The following ERICH1 variants were observed in gnomAD, a reference collection of about 807,000 sequenced individuals.
ERICH1 encodes glutamate-rich protein 1.
A neutral mutation model predicts 39.6 loss-of-function variants in ERICH1; 56 were observed. The ratio of observed to expected loss-of-function variants is 1.41; its 90% CI spans 1.14 to 1.77. The LOEUF is 1.77. Among genes scored for constraint, ERICH1 ranks in the 40% most tolerant of loss-of-function variants. ERICH1 has a pLI of 0.00. For synonymous variants in ERICH1, 313 were observed against 223.6 expected (o/e 1.40, Z -3.57); for missense variants, 826 against 575.4 (o/e 1.44, Z -4.45).
At chr8:626,078 C>T (rs76620930) in intron 3 of ERICH1, 4 of 152,178 alleles carry the variant, frequency 2.6e-5, no homozygotes, top group Middle Eastern at 3.2e-3. Context: ...ACATGTGAAT[C>T]GTTTCCACAC....
At chr8:651,586 C>T (rs1472016984) in intron 3 of ERICH1, among the ~76,000 whole-genome samples, 1 of 151,734 alleles carries the variant, frequency 6.6e-6, no homozygotes, top group Non-Finnish European at 1.5e-5. Flanking sequence ...GGGAGAGAGA[C>T]GGAGAGCTGG....
At position 668,792 on chromosome 8, in the gene ERICH1, C is replaced by G; in HGVS notation, c.1064G>C (p.Gly355Ala). The G allele has an allele frequency of 6.3e-7, 1 of 1,588,898 alleles. No individual in the cohort carries two copies. Among genetic ancestry groups the G allele is most frequent in the South Asian group, 1.1e-5 (1 of 87,490 alleles). ...AGCTGAAGCTGCATCTCTGGAGACA[C>G]CTACATAAAGTCAGTTTTGCTTGGA... ...KSTQEMYFYDGVSRDAASAAL... is the reference protein window; with the variant it reads ...KSTQEMYFYDAVSRDAASAAL... The change falls in exon 5 of 6, where the codon GGT becomes GCT. Residue 355 changes from glycine to alanine, a missense_variant and splice_region_variant. Gly to Ala is a moderately conservative substitution (Grantham distance 60). Transcript: ENST00000262109.
intron 3 of ERICH1, among the ~76,000 whole-genome samples, chr8:650,199 G>C (rs1799771462): frequency 6.6e-6 from 1 of 152,212 alleles, no homozygotes; most frequent in Non-Finnish European, 1.5e-5. Flanking sequence ...GCACTCAGGA[G>C]CTGCGTCCCG....
intron 3 of ERICH1, among the ~76,000 whole-genome samples, chr8:677,595 T>C (rs1018329388): frequency 6.6e-6 from 1 of 152,172 alleles, no homozygotes; most frequent in Non-Finnish European, 1.5e-5. Context: ...CCAGACGTCT[T>C]TGAACAGCAG....
chr8:651,678 GGGGGAGAAGACTGA>G (rs1166441252), intron 3 of ERICH1, among the ~76,000 whole-genome samples: 1 of 141,940 alleles, frequency 7.0e-6, no homozygotes, highest in Non-Finnish European at 1.6e-5. Flanking sequence ...CGGGCAGGGT[GGGGGAGAAGACTGA>G]GGGGAGAGAG....
At chr8:623,382 A>C (rs1007388450) in intron 3 of ERICH1, among the ~76,000 whole-genome samples, 7 of 152,234 alleles carry the variant, frequency 4.6e-5, no homozygotes, top group African/African-American at 1.4e-4. Context: ...AAATCGAAGG[A>C]AACCTCCTCA....
At chr8:685,270 A>T (rs1192206542) in intron 3 of ERICH1, among the ~76,000 whole-genome samples, 1 of 152,212 alleles carries the variant, frequency 6.6e-6, no homozygotes, top group Non-Finnish European at 1.5e-5. Context: ...GCAATAAGAG[A>T]AATACGGCTG....
rs1422586796 is a variant in ERICH1 at position 699,946 on chromosome 8, C to G, written c.170-7334G>C. Among the ~76,000 whole-genome samples, 127 of 121,564 alleles carry G rather than the reference C, an allele frequency of 1.0e-3. 1 individual carries two copies. The highest frequency in any genetic ancestry group is 2.3e-3 in the African/African-American group (70 of 30,276). The allele number at this position is 121,564 out of a possible 152,430, so 79.8% of individuals were successfully genotyped here. ...CCGCACAGGCGCACAGACCCGCACA[C>G]GCGCACAGGCCCGCACACGCGCACA... On this transcript the variant is annotated intron_variant, in intron 2 of 5. Coordinates refer to ENST00000262109, the MANE Select transcript of ERICH1 (RefSeq NM_207332.3).
At position 664,656 on chromosome 8, in the gene ERICH1, C is replaced by T; in HGVS notation, c.1279G>A (p.Ala427Thr). 4 of 1,612,356 alleles carry T rather than the reference C, an allele frequency of 2.5e-6. No individual in the cohort carries two copies. Among genetic ancestry groups the T allele is most frequent in the African/African-American group, 1.3e-5 (1 of 74,974 alleles). ...TGTGTGATCCAGTAACTAAAGAAAGCTGAGATTACTCTGGCATGGTCTAGA... is the reference window on the plus strand; with the variant it reads ...TGTGTGATCCAGTAACTAAAGAAAGTTGAGATTACTCTGGCATGGTCTAGA... ...MPPDHARVIS[A>T]FFSYWITHIL... The change falls in exon 6 of 6, where the codon GCT becomes ACT. Residue 427 changes from alanine to threonine, a missense_variant. Coordinates refer to ENST00000262109, the MANE Select transcript of ERICH1 (RefSeq NM_207332.3).
At chr8:690,090 C>A (rs751624774) in intron 3 of ERICH1, among the ~76,000 whole-genome samples, 2 of 152,204 alleles carry the variant, frequency 1.3e-5, no homozygotes, top group Non-Finnish European at 2.9e-5. Flanking sequence ...CCCACGTCAA[C>A]AAGAGGAGGA....
At chr8:627,251 G>A (rs1177260991) in intron 3 of ERICH1, 1 of 456,140 alleles carries the variant, frequency 2.2e-6, no homozygotes, top group Non-Finnish European at 4.4e-6. Context: ...GGAAGTTGGA[G>A]ATAAGAACAC....
chr8:692,540 CAG>C lies in ERICH1; in HGVS notation c.240_241del (p.Cys81LeufsTer18), dbSNP rs1563275086. ...CCCACAGCTGCTGGGCTCCGGCCAACAGGGGACGTAGCCCTCAGGAGGCCCGC... is the reference window on the plus strand; with the variant it reads ...CCCACAGCTGCTGGGCTCCGGCCAACGGGACGTAGCCCTCAGGAGGCCCGC... On this transcript the variant is annotated frameshift_variant, in exon 3 of 6. Coordinates refer to ENST00000262109, the MANE Select transcript of ERICH1 (RefSeq NM_207332.3). LOFTEE classifies it high-confidence loss of function. 5 of 1,613,984 alleles carry C rather than the reference CAG, an allele frequency of 3.1e-6. No homozygotes were observed. The highest frequency in any genetic ancestry group is 1.7e-5 in the Admixed American group (1 of 59,956).
At chr8:633,551 A>C (rs115670715) in intron 3 of ERICH1, among the ~76,000 whole-genome samples, 1,728 of 152,306 alleles carry the variant, frequency 0.011, 26 homozygotes, top group African/African-American at 0.039. Context: ...CTAAATTCAC[A>C]TGGAATCTCA....
chr8:715,814 G>C (rs906629359), intron 2 of ERICH1, 47 bp downstream of exon 2: 2 of 1,577,484 alleles, frequency 1.3e-6, no homozygotes, highest in Non-Finnish European at 1.7e-6. Flanking sequence ...GATGACGGAG[G>C]TTAACTTCAG....
chr8:695,196 C>T (rs991194746), intron 2 of ERICH1, among the ~76,000 whole-genome samples: 9 of 152,200 alleles, frequency 5.9e-5, no homozygotes, highest in African/African-American at 1.9e-4. Context: ...TCACAGCCAG[C>T]CCCTGGCCCA....
At chr8:616,695 G>C in intron 3 of ERICH1, 1 of 443,482 alleles carries the variant, frequency 2.3e-6, no homozygotes, top group South Asian at 1.6e-5. Context: ...AAGACAGAGA[G>C]GGACAGGGAG....
intron 5 of ERICH1, among the ~76,000 whole-genome samples, chr8:665,456 ACCACAGAGAGCCAAG>A (rs1281118018): frequency 6.6e-6 from 1 of 152,174 alleles, no homozygotes; most frequent in Non-Finnish European, 1.5e-5. Context: ...GAAGTTTCCA[ACCACAGAGAGCCAAG>A]CCACAGACAA....
At chr8:643,711 G>A (rs922715044) in intron 3 of ERICH1, among the ~76,000 whole-genome samples, 8 of 152,344 alleles carry the variant, frequency 5.3e-5, no homozygotes, top group Non-Finnish European at 8.8e-5. Flanking sequence ...CCGCGACTTC[G>A]GGAGCTTGTG....
intron 1 of ERICH1, 63 bp downstream of exon 1, chr8:731,077 C>T (rs1171163523): frequency 1.4e-6 from 2 of 1,395,356 alleles, no homozygotes; most frequent in Non-Finnish European, 1.9e-6. Context: ...CGAGTCAACA[C>T]CGCGGTCTGA....
Sources: gnomAD v4.1 joint callset for allele counts (sites outside exome capture counted in the v4.1 genomes callset) on GRCh38, gnomAD v4.1.1 for gene constraint, MANE v1.5 for transcripts, NCBI Gene and HGNC (gene_info 2026-07-23, HGNC 2026-07-21) for gene names.